The following KCNAB1 variants were observed in gnomAD, a reference collection of about 807,000 sequenced individuals.
KCNAB1 encodes the protein voltage-gated potassium channel subunit beta-1.
A neutral mutation model predicts 64.6 loss-of-function variants in KCNAB1; 35 were observed. The ratio of observed to expected loss-of-function variants is 0.54; its 90% CI spans 0.41 to 0.72. The LOEUF is 0.72. KCNAB1 is among the 30% of genes least tolerant of loss of function. The pLI, the probability that KCNAB1 is intolerant of heterozygous loss-of-function variation, is 0.00. For missense variants in KCNAB1, 401 were observed against 512.9 expected (o/e 0.78, Z 2.11); for synonymous variants, 177 against 183.8 (o/e 0.96, Z 0.30).
At chr3:156,149,950 C>A (rs547944321) in intron 1 of KCNAB1, among the ~76,000 whole-genome samples, 2 of 152,260 alleles carry the variant, frequency 1.3e-5, no homozygotes, top group African/African-American at 4.8e-5. Context: ...AGAGCTGTGA[C>A]TGTGAAAATC....
chr3:156,186,597 CT>C (rs570297817), intron 1 of KCNAB1, among the ~76,000 whole-genome samples: 215 of 152,254 alleles, frequency 1.4e-3, no homozygotes, highest in African/African-American at 4.6e-3. Flanking sequence ...TAGCTGCTGC[CT>C]GTCTTTCCTT....
At chr3:156,517,072 A>T (rs1201997833) in intron 11 of KCNAB1, among the ~76,000 whole-genome samples, 2 of 152,260 alleles carry the variant, frequency 1.3e-5, no homozygotes, top group African/African-American at 4.8e-5. Context: ...GTGTAATAAC[A>T]TTAGAATCAC....
chr3:156,226,396 C>A (rs907303633), intron 1 of KCNAB1, among the ~76,000 whole-genome samples: 5 of 152,052 alleles, frequency 3.3e-5, no homozygotes, highest in African/African-American at 1.2e-4. Flanking sequence ...TCTCTCACCT[C>A]ATACAAAAAT....
chr3:156,379,512 T>C (rs569682013), intron 1 of KCNAB1, among the ~76,000 whole-genome samples: 1 of 152,200 alleles, frequency 6.6e-6, no homozygotes, highest in African/African-American at 2.4e-5. Context: ...GAGTGAGCCA[T>C]GTGATAATCT....
chr3:156,372,344 G>A (rs972753384), intron 1 of KCNAB1, among the ~76,000 whole-genome samples: 1 of 152,206 alleles, frequency 6.6e-6, no homozygotes, highest in African/African-American at 2.4e-5. Context: ...GTAAAATGAG[G>A]ATGATAATAT....
chr3:156,172,970 A>T (rs1712105366), intron 1 of KCNAB1, among the ~76,000 whole-genome samples: 2 of 152,214 alleles, frequency 1.3e-5, no homozygotes, highest in African/African-American at 4.8e-5. Flanking sequence ...TTCAGAAGCT[A>T]GTGTGGGTAT....
intron 1 of KCNAB1, among the ~76,000 whole-genome samples, chr3:156,233,272 A>T (rs1716642557): frequency 6.6e-6 from 1 of 152,202 alleles, no homozygotes; most frequent in Admixed American, 6.6e-5. Context: ...GAAGAAAAAT[A>T]AAACCAGAAT....
chr3:156,182,536 C>T (rs1282958184), intron 1 of KCNAB1, among the ~76,000 whole-genome samples: 3 of 152,144 alleles, frequency 2.0e-5, no homozygotes, highest in Admixed American at 1.3e-4. Context: ...ACTTCTTCTT[C>T]ACCCTTATTT....
intron 7 of KCNAB1, among the ~76,000 whole-genome samples, chr3:156,473,274 T>G (rs1714069623): frequency 6.6e-6 from 1 of 152,158 alleles, no homozygotes; most frequent in Admixed American, 6.5e-5. Flanking sequence ...GACTAGAGAA[T>G]TGAGTCTCAA....
At chr3:156,120,435 A>G (rs1713267708), upstream of KCNAB1, 12 of 729,050 alleles carry the variant, frequency 1.6e-5, no homozygotes, top group Non-Finnish European at 2.5e-5. Flanking sequence ...TCACTAGGAA[A>G]GGTTAGAGAT....
At chr3:156,504,742 G>GTTTTTTTTTTTTTT (rs796618812) in intron 8 of KCNAB1, among the ~76,000 whole-genome samples, 1 of 81,238 alleles carries the variant, frequency 1.2e-5, no homozygotes, top group African/African-American at 3.4e-5. Flanking sequence ...TTTTGTTTTT[G>GTTTTTTTTTTTTTT]TTTTTTTTGT....
intron 8 of KCNAB1, among the ~76,000 whole-genome samples, chr3:156,498,956 A>G (rs1716194296): frequency 6.6e-6 from 1 of 152,244 alleles, no homozygotes; most frequent in Admixed American, 6.5e-5. Flanking sequence ...CAAGAGATGC[A>G]AGTGGTCCAG....
At chr3:156,474,604 G>C in intron 7 of KCNAB1, 130 bp from the exon 8 acceptor site, 1 of 617,834 alleles carries the variant, frequency 1.6e-6, no homozygotes, top group East Asian at 2.9e-5. Flanking sequence ...AACAATCATT[G>C]TATTCAACGC....
At chr3:156,382,915 G>C (rs1576798281) in intron 1 of KCNAB1, among the ~76,000 whole-genome samples, 1 of 152,226 alleles carries the variant, frequency 6.6e-6, no homozygotes, top group African/African-American at 2.4e-5. Flanking sequence ...ACCTAGCTTA[G>C]ACTGACTGAT....
chr3:156,211,058 G>C (rs914877598), intron 1 of KCNAB1, among the ~76,000 whole-genome samples: 2 of 152,110 alleles, frequency 1.3e-5, no homozygotes, highest in African/African-American at 4.8e-5. Context: ...GCTGTGTTTG[G>C]TGTCAAACAG....
intron 1 of KCNAB1, among the ~76,000 whole-genome samples, chr3:156,341,640 C>A (rs768500379): frequency 1.3e-5 from 2 of 152,112 alleles, no homozygotes; most frequent in Non-Finnish European, 2.9e-5. Flanking sequence ...TGTCCATTAA[C>A]ATCAAATTTT....
intron 1 of KCNAB1, among the ~76,000 whole-genome samples, chr3:156,362,313 G>A (rs963440819): frequency 2.0e-5 from 3 of 152,240 alleles, no homozygotes; most frequent in Non-Finnish European, 2.9e-5. Context: ...ATAGGAATGA[G>A]GAGTGAAGCA....
At chr3:156,327,066 A>G (rs898913776) in intron 1 of KCNAB1, among the ~76,000 whole-genome samples, 6 of 152,176 alleles carry the variant, frequency 3.9e-5, no homozygotes, top group African/African-American at 1.2e-4. Context: ...AGTTTACTAC[A>G]CCAAATTAAA....
chr3:156,211,537 T>A (rs1715005999), intron 1 of KCNAB1, among the ~76,000 whole-genome samples: 1 of 152,168 alleles, frequency 6.6e-6, no homozygotes, highest in Admixed American at 6.5e-5. Flanking sequence ...TAACCCCAGG[T>A]CCTATGCCAA....
Sources: gnomAD v4.1 joint callset for allele counts (sites outside exome capture counted in the v4.1 genomes callset) on GRCh38, gnomAD v4.1.1 for gene constraint, MANE v1.5 for transcripts, NCBI Gene and HGNC (gene_info 2026-07-23, HGNC 2026-07-21) for gene names.